SORCS3: variants seen among roughly 807,000 people sequenced by gnomAD.
The protein encoded by SORCS3 is VPS10 domain-containing receptor SorCS3.
Under a neutral mutation model 146.3 loss-of-function variants are expected in SORCS3, and 57 were observed. That is an observed-to-expected ratio of 0.39 (90% CI 0.31 to 0.49). The LOEUF (loss-of-function observed/expected upper bound fraction) is 0.49, where lower values mean the gene tolerates loss of function less well. SORCS3 is among the 20% of genes least tolerant of loss of function. The pLI is 0.92. For missense variants in SORCS3, 1,341 were observed against 1,575.5 expected (o/e 0.85, Z 2.52); for synonymous variants, 653 against 618.5 (o/e 1.06, Z -0.83).
intron 4 of SORCS3, among the ~76,000 whole-genome samples, chr10:105,009,182 A>C (rs2055115866): frequency 6.6e-6 from 1 of 152,222 alleles, no homozygotes; most frequent in African/African-American, 2.4e-5. Context: ...AAAACAGGGC[A>C]TAGAGAAGTC....
intron 16 of SORCS3, among the ~76,000 whole-genome samples, chr10:105,203,406 A>T (rs1484245): frequency 0.34 from 51,764 of 151,914 alleles, 8,953 homozygotes; most frequent in South Asian, 0.48. Flanking sequence ...TATTGATGTC[A>T]ACCTGAATAT....
intron 20 of SORCS3, among the ~76,000 whole-genome samples, chr10:105,235,439 T>C (rs1341687286): frequency 1.6e-5 from 1 of 62,936 alleles, no homozygotes; most frequent in Non-Finnish European, 3.5e-5. Flanking sequence ...TCTCAGACTG[T>C]GTGTGTGTGT....
At chr10:105,064,212 A>G (rs17789408) in intron 5 of SORCS3, among the ~76,000 whole-genome samples, 20,261 of 152,254 alleles carry the variant, frequency 0.13, 1,628 homozygotes, top group Middle Eastern at 0.19. Context: ...TGTGATTACT[A>G]ACTGTGGTAA....
At chr10:104,844,831 T>A (rs2018185333) in intron 2 of SORCS3, among the ~76,000 whole-genome samples, 1 of 152,224 alleles carries the variant, frequency 6.6e-6, no homozygotes, top group Non-Finnish European at 1.5e-5. Flanking sequence ...CAGGATGACC[T>A]CATCTTGAGA....
chr10:104,996,036 T>A (rs2055024914), intron 4 of SORCS3, among the ~76,000 whole-genome samples: 1 of 152,214 alleles, frequency 6.6e-6, no homozygotes, highest in African/African-American at 2.4e-5. Flanking sequence ...GAATAACCTG[T>A]ACAGTTTTGT....
At chr10:104,987,096 A>G (rs2054966556) in intron 4 of SORCS3, among the ~76,000 whole-genome samples, 1 of 152,138 alleles carries the variant, frequency 6.6e-6, no homozygotes, top group African/African-American at 2.4e-5. Flanking sequence ...AAATATATAC[A>G]ACTGCGTACA....
chr10:105,074,802 G>A (rs1247008660), intron 5 of SORCS3, among the ~76,000 whole-genome samples: 1 of 151,668 alleles, frequency 6.6e-6, no homozygotes, highest in Middle Eastern at 3.4e-3. Context: ...ACTCTGGTCA[G>A]GTCTGTCTAC....
At chr10:104,822,046 G>A (rs747966197) in intron 1 of SORCS3, 2 of 515,708 alleles carry the variant, frequency 3.9e-6, no homozygotes, top group Non-Finnish European at 7.7e-6. Flanking sequence ...GTCCACATTT[G>A]TTTCCACCCC....
chr10:105,177,223 T>C (rs934387652), intron 13 of SORCS3, among the ~76,000 whole-genome samples: 1 of 152,202 alleles, frequency 6.6e-6, no homozygotes, highest in Admixed American at 6.5e-5. Context: ...TAGAGTAGAA[T>C]TAAGAATCAG....
intron 1 of SORCS3, among the ~76,000 whole-genome samples, chr10:104,726,636 G>T (rs1395924192): frequency 6.6e-6 from 1 of 151,834 alleles, no homozygotes; most frequent in African/African-American, 2.4e-5. Flanking sequence ...CATCTAGTTT[G>T]CTCAATTGCT....
chr10:104,911,681 A>T (rs1404219284), intron 2 of SORCS3, among the ~76,000 whole-genome samples: 1 of 152,220 alleles, frequency 6.6e-6, no homozygotes, highest in Non-Finnish European at 1.5e-5. Context: ...AGGATTATGT[A>T]AGTAAACCTC....
chr10:104,744,140 A>C (rs565391948), intron 1 of SORCS3, among the ~76,000 whole-genome samples: 72 of 152,358 alleles, frequency 4.7e-4, no homozygotes, highest in Non-Finnish European at 9.1e-4. Flanking sequence ...ATGATGGAGC[A>C]GACTTCTCAT....
At chr10:105,221,681 C>T (rs181176925) in intron 19 of SORCS3, among the ~76,000 whole-genome samples, 77 of 152,240 alleles carry the variant, frequency 5.1e-4, no homozygotes, top group African/African-American at 1.7e-3. Flanking sequence ...CAAATAAGGA[C>T]GGCTAGATGG....
chr10:104,842,868 A>G lies in SORCS3; in HGVS notation c.695+9A>G, dbSNP rs200883365. 8.1e-6 allele frequency: 13 copies of G among 1,612,384 alleles called. No homozygotes were observed. The highest frequency in any genetic ancestry group is 1.3e-5 in the African/African-American group (1 of 74,868). ...GAGAGTTCACTATGGAGGTAAGCAG[A>G]TTAGAGATTCTTAAGGAGCCACCCT... On this transcript the variant is annotated intron_variant, in intron 2 of 26. Transcript: ENST00000369701.
intron 5 of SORCS3, among the ~76,000 whole-genome samples, chr10:105,088,314 A>G (rs947427286): frequency 2.0e-5 from 3 of 152,240 alleles, no homozygotes; most frequent in African/African-American, 7.2e-5. Flanking sequence ...GAGGTAAAGA[A>G]AAAGGAAACG....
chr10:105,119,744 CTGGCCA>C (rs1014315649), intron 7 of SORCS3, among the ~76,000 whole-genome samples: 21 of 152,252 alleles, frequency 1.4e-4, no homozygotes, highest in Admixed American at 7.2e-4. Context: ...TGCCTTTGTT[CTGGCCA>C]ATTTCTCCCA....
intron 20 of SORCS3, among the ~76,000 whole-genome samples, chr10:105,224,423 T>C (rs1312757604): frequency 6.6e-6 from 1 of 152,214 alleles, no homozygotes; most frequent in Non-Finnish European, 1.5e-5. Flanking sequence ...GATAGCTCAT[T>C]TCTTTTCAGT....
intron 3 of SORCS3, among the ~76,000 whole-genome samples, chr10:104,957,362 G>A (rs1249457026): frequency 6.6e-6 from 1 of 152,092 alleles, no homozygotes; most frequent in African/African-American, 2.4e-5. Flanking sequence ...TTCTGAATGC[G>A]GTTTGTTTAT....
At chr10:104,738,522 T>G (rs781127771) in intron 1 of SORCS3, among the ~76,000 whole-genome samples, 22 of 152,164 alleles carry the variant, frequency 1.4e-4, no homozygotes, top group Non-Finnish European at 2.6e-4. Context: ...GTTTCTTTCT[T>G]TATAGTTGGC....
Sources: allele counts gnomAD v4.1 joint callset (sites outside exome capture counted in the v4.1 genomes callset), GRCh38; gene constraint gnomAD v4.1.1; transcripts MANE v1.5; gene names NCBI Gene and HGNC (gene_info 2026-07-23, HGNC 2026-07-21).